NCOA7: variants seen among roughly 807,000 people sequenced by gnomAD.
NCOA7 encodes the protein 140 kDa estrogen receptor-associated protein.
NCOA7 carries 45 observed loss-of-function variants against 104.3 expected under a neutral mutation model. The ratio of observed to expected loss-of-function variants is 0.43; its 90% CI spans 0.34 to 0.55. The LOEUF (loss-of-function observed/expected upper bound fraction) is 0.55. Ranked by LOEUF, NCOA7 falls within the 20% of genes least tolerant of loss-of-function variation. The pLI is 0.02. For synonymous variants in NCOA7, 398 were observed against 402.3 expected (o/e 0.99, Z 0.13); for missense variants, 1,041 against 1,119.7 (o/e 0.93, Z 1.00).
intron 2 of NCOA7, among the ~76,000 whole-genome samples, chr6:125,828,595 T>C (rs1213885202): frequency 6.6e-6 from 1 of 152,166 alleles, no homozygotes; most frequent in African/African-American, 2.4e-5. Context: ...GCTTGTTGGC[T>C]AATGAGGATG....
Position 125,853,196 on chromosome 6 carries a change from T to A in NCOA7, c.51-1824T>A, listed in dbSNP as rs558682533. 4.6e-5 allele frequency among the ~76,000 whole-genome samples: 7 copies of A among 152,314 alleles called. No individual in the cohort carries two copies. The South Asian group carries it at 1.4e-3, about 32-fold the overall frequency. On this transcript the variant is annotated intron_variant, in intron 2 of 15. Coordinates refer to ENST00000392477, the MANE Select transcript of NCOA7 (RefSeq NM_181782.5). ...CTCTGCCTGTCCTTGAGTTCTTGAT[T>A]TGATTGTCAGCTTGGTCATTGTTGC...
At position 125,815,331 on chromosome 6, in the gene NCOA7, ACTT is replaced by A. The variant is rs781431022; in HGVS notation, c.-23_-21del. The A allele has an allele frequency of 9.5e-6, 15 of 1,585,558 alleles. No individual in the cohort carries two copies. The highest frequency in any genetic ancestry group is 5.4e-5 in the African/African-American group (4 of 73,954). ...ATTAAAAAGAGGGACTTTTTCAAAT[ACTT>A]TGCACTTTTGATTGTGTATTATGGA... is the stretch of plus-strand genomic sequence containing the variant. On this transcript the variant is annotated 5_prime_UTR_variant, in exon 2 of 16. The change creates a new upstream start codon in the 5' untranslated region. Transcript: ENST00000392477.
chr6:125,879,201 A>G (rs946579437), intron 5 of NCOA7, among the ~76,000 whole-genome samples: 4 of 151,556 alleles, frequency 2.6e-5, no homozygotes, highest in Admixed American at 6.6e-5. Flanking sequence ...TGGCATTTCC[A>G]TTGACCCATA....
chr6:125,816,652 A>T (rs551953486), intron 2 of NCOA7, among the ~76,000 whole-genome samples: 2 of 152,332 alleles, frequency 1.3e-5, no homozygotes, highest in African/African-American at 4.8e-5. Flanking sequence ...AAGATCTCCA[A>T]AGTTTTTATT....
chr6:125,869,638 G>A (rs1217441701), intron 3 of NCOA7, among the ~76,000 whole-genome samples: 1 of 152,238 alleles, frequency 6.6e-6, no homozygotes, highest in Non-Finnish European at 1.5e-5. Context: ...GAGGGAGGCA[G>A]GAGAGAGCAC....
intron 2 of NCOA7, among the ~76,000 whole-genome samples, chr6:125,834,004 T>C (rs918609149): frequency 6.6e-6 from 1 of 152,236 alleles, no homozygotes; most frequent in Non-Finnish European, 1.5e-5. Context: ...ACTGCAAAGC[T>C]TTTATTATTT....
At chr6:125,809,502 A>C (rs1145986) in intron 1 of NCOA7, among the ~76,000 whole-genome samples, 1 of 152,152 alleles carries the variant, frequency 6.6e-6, no homozygotes, top group Non-Finnish European at 1.5e-5. Context: ...AGTTTGTGGC[A>C]CACGTTTGTA....
chr6:125,916,789 G>A (rs1336735428), intron 11 of NCOA7, among the ~76,000 whole-genome samples: 1 of 152,156 alleles, frequency 6.6e-6, no homozygotes, highest in Non-Finnish European at 1.5e-5. Context: ...TGTCCACCAG[G>A]GAGAATGGTG....
chr6:125,784,963 C>T (rs969459919), intron 1 of NCOA7, among the ~76,000 whole-genome samples: 1 of 150,776 alleles, frequency 6.6e-6, no homozygotes, highest in Non-Finnish European at 1.5e-5. Flanking sequence ...GGTGGTGATA[C>T]AAGATATGAT....
chr6:125,866,316 C>T (rs546148761), intron 3 of NCOA7, among the ~76,000 whole-genome samples: 42 of 151,310 alleles, frequency 2.8e-4, no homozygotes, highest in Middle Eastern at 3.4e-3. Flanking sequence ...ACAACAAGAG[C>T]GAAATTCCGT....
intron 1 of NCOA7, among the ~76,000 whole-genome samples, chr6:125,809,329 T>G (rs917404141): frequency 5.3e-5 from 8 of 152,090 alleles, no homozygotes; most frequent in Admixed American, 2.0e-4. Context: ...ACACCAGGCA[T>G]GTGCCACCAC....
At chr6:125,830,745 G>A (rs1008140586) in intron 2 of NCOA7, among the ~76,000 whole-genome samples, 5 of 148,176 alleles carry the variant, frequency 3.4e-5, no homozygotes, top group African/African-American at 1.2e-4. Context: ...ATATGTGTGT[G>A]TGTGTGTGTG....
chr6:125,874,902 C>A lies in NCOA7; in HGVS notation c.285C>A (p.Asn95Lys). 6.2e-7 allele frequency: 1 copy of A among 1,612,794 alleles called. No individual in the cohort carries two copies. Among genetic ancestry groups the A allele is most frequent in the Non-Finnish European group, 8.5e-7 (1 of 1,178,990 alleles). The change falls in exon 4 of 16, where the codon AAC becomes AAA. Residue 95 changes from asparagine (N) to lysine (K), a missense_variant. Physicochemically the swap from Asn to Lys is moderately conservative, Grantham distance 94. Transcript: ENST00000392477. ...TTTATTCTTCAGATGACAATCAAAA[C>A]AAAACACATGATAAAAAAGAGAAGA... The part of the protein sequence containing the change: ...KRYYSIDDNQ[N>K]KTHDKKEKKM...
chr6:125,804,712 A>G (rs1235029890), intron 1 of NCOA7, among the ~76,000 whole-genome samples: 6 of 152,234 alleles, frequency 3.9e-5, no homozygotes, highest in Admixed American at 1.3e-4. Flanking sequence ...TTAATTCTAA[A>G]AATGAGCTAT....
At chr6:125,900,018 G>A (rs574777951) in intron 10 of NCOA7, 2 of 533,200 alleles carry the variant, frequency 3.8e-6, no homozygotes, top group East Asian at 5.5e-5. Flanking sequence ...CACAGTGTTT[G>A]GGAGTAAGTA....
chr6:125,831,458 A>C (rs1779176275), intron 2 of NCOA7, among the ~76,000 whole-genome samples: 1 of 149,872 alleles, frequency 6.7e-6, no homozygotes, highest in Non-Finnish European at 1.5e-5. Flanking sequence ...CAAATTTTTT[A>C]TTTCTTTTGA....
chr6:125,839,345 T>C (rs910028876), intron 2 of NCOA7, among the ~76,000 whole-genome samples: 1 of 152,184 alleles, frequency 6.6e-6, no homozygotes, highest in Non-Finnish European at 1.5e-5. Flanking sequence ...CTTGAACTCC[T>C]GATTCAAGTA....
intron 14 of NCOA7, 79 bp downstream of exon 14, chr6:125,927,837 C>A: frequency 4.2e-6 from 5 of 1,179,502 alleles, no homozygotes; most frequent in Non-Finnish European, 3.8e-6. Flanking sequence ...ATTGGGGCAG[C>A]TAGCTGTCCT....
At chr6:125,852,176 A>G (rs929397876) in intron 2 of NCOA7, among the ~76,000 whole-genome samples, 23 of 151,934 alleles carry the variant, frequency 1.5e-4, no homozygotes, top group African/African-American at 5.3e-4. Context: ...GCTTAGGCCA[A>G]TGTCCGGAAG....
Sources: allele counts gnomAD v4.1 joint callset (sites outside exome capture counted in the v4.1 genomes callset), GRCh38; gene constraint gnomAD v4.1.1; transcripts MANE v1.5; gene names NCBI Gene and HGNC (gene_info 2026-07-23, HGNC 2026-07-21).